The following CRIM1 variants were observed in gnomAD, a reference collection of about 807,000 sequenced individuals.
CRIM1 encodes the protein cysteine-rich motor neuron 1 protein.
CRIM1 carries 32 observed loss-of-function variants against 116.4 expected under a neutral mutation model. The observed-to-expected ratio is 0.27, with a 90% confidence interval of 0.21 to 0.37. The LOEUF is 0.37. CRIM1 is among the 10% of genes least tolerant of loss of function. CRIM1 has a pLI of 1.00. For missense variants in CRIM1, 1,331 were observed against 1,354.8 expected, an observed-to-expected ratio of 0.98 and a Z score of 0.28; for synonymous variants, 590 against 509.2, an observed-to-expected ratio of 1.16 and a Z score of -2.13.
At chr2:36,388,504 C>T (rs1246062640) in intron 1 of CRIM1, among the ~76,000 whole-genome samples, 1 of 152,100 alleles carries the variant, frequency 6.6e-6, no homozygotes, top group African/African-American at 2.4e-5. Flanking sequence ...TCTAAAGGGG[C>T]CTCATGGATT....
chr2:36,543,052 G>T (rs927666355), intron 14 of CRIM1, among the ~76,000 whole-genome samples: 4 of 152,130 alleles, frequency 2.6e-5, no homozygotes, highest in Non-Finnish European at 5.9e-5. Context: ...TGAACCTGTA[G>T]AAACTATAAT....
chr2:36,515,980 C>A (rs1161636283), intron 11 of CRIM1, among the ~76,000 whole-genome samples: 2 of 152,214 alleles, frequency 1.3e-5, no homozygotes, highest in Non-Finnish European at 2.9e-5. Context: ...CTCTTCCTCT[C>A]TCTTGTTCTT....
chr2:36,471,106 C>G (rs1379529982), intron 5 of CRIM1, among the ~76,000 whole-genome samples: 1 of 152,170 alleles, frequency 6.6e-6, no homozygotes, highest in Non-Finnish European at 1.5e-5. Flanking sequence ...CATGATAAAA[C>G]TGGAAAGGAT....
chr2:36,544,991 T>C (rs1667217229), intron 15 of CRIM1, among the ~76,000 whole-genome samples: 1 of 152,214 alleles, frequency 6.6e-6, no homozygotes, highest in African/African-American at 2.4e-5. Context: ...GTTTACTCCA[T>C]GCCTTTTTAT....
intron 1 of CRIM1, among the ~76,000 whole-genome samples, chr2:36,391,414 C>T (rs937766037): frequency 2.0e-5 from 3 of 152,080 alleles, no homozygotes; most frequent in Admixed American, 2.0e-4. Context: ...AAGCGTGAGC[C>T]ACCGCGCCCG....
At chr2:36,439,527 C>T (rs1675608411) in intron 2 of CRIM1, among the ~76,000 whole-genome samples, 1 of 152,190 alleles carries the variant, frequency 6.6e-6, no homozygotes, top group African/African-American at 2.4e-5. Context: ...CATCCAACCT[C>T]ATCTCCTGTT....
intron 2 of CRIM1, among the ~76,000 whole-genome samples, chr2:36,428,156 G>A (rs1229452381): frequency 6.6e-6 from 1 of 152,228 alleles, no homozygotes; most frequent in Non-Finnish European, 1.5e-5. Context: ...AAAATGAGAA[G>A]GTTAGGATGA....
Position 36,411,590 on chromosome 2 carries a change from A to G in CRIM1, c.505+14803A>G, listed in dbSNP as rs376516952. Among the ~76,000 whole-genome samples the G allele has an allele frequency of 5.3e-5, 8 of 152,194 alleles. No individual in the cohort carries two copies. The South Asian group carries it at 8.3e-4, about 16-fold the overall frequency. ...TATAGCTACATGTATATAAGCACAT[A>G]TACATCCATGATGATATCATAGGTA... On this transcript the variant is annotated intron_variant, in intron 2 of 16. Coordinates refer to ENST00000280527, the MANE Select transcript of CRIM1 (RefSeq NM_016441.3).
intron 7 of CRIM1, among the ~76,000 whole-genome samples, chr2:36,490,228 A>G (rs907001742): frequency 3.9e-5 from 6 of 152,356 alleles, no homozygotes; most frequent in South Asian, 2.1e-4. Flanking sequence ...TCAGCATGAC[A>G]TCAATAATTA....
chr2:36,486,894 C>CT (rs1416116086), intron 7 of CRIM1, among the ~76,000 whole-genome samples: 1 of 152,040 alleles, frequency 6.6e-6, no homozygotes. Flanking sequence ...CTGTGCTAAA[C>CT]TTTTTTTGGA....
At chr2:36,526,895 C>T in intron 13 of CRIM1, among the ~76,000 whole-genome samples, 1 of 152,200 alleles carries the variant, frequency 6.6e-6, no homozygotes. Context: ...TCAGGTATGT[C>T]CCCCAGTTAA....
chr2:36,536,912 G>A (rs893151780), intron 13 of CRIM1, among the ~76,000 whole-genome samples: 3 of 152,046 alleles, frequency 2.0e-5, no homozygotes, highest in Non-Finnish European at 4.4e-5. Flanking sequence ...TGGTTATCTC[G>A]GTGCTGACTC....
chr2:36,458,919 G>C (rs1356122292), intron 4 of CRIM1, among the ~76,000 whole-genome samples: 2 of 152,206 alleles, frequency 1.3e-5, no homozygotes, highest in Non-Finnish European at 2.9e-5. Flanking sequence ...TTGGGTGACA[G>C]TATTGGATAA....
chr2:36,411,116 T>G (rs1489811959), intron 2 of CRIM1, among the ~76,000 whole-genome samples: 1 of 152,232 alleles, frequency 6.6e-6, no homozygotes, highest in East Asian at 1.9e-4. Context: ...ACTATTCCAC[T>G]TACATGTTCT....
At chr2:36,548,410 A>G (rs201600841) in intron 16 of CRIM1, 115 bp from the exon 17 acceptor site, 13 of 697,516 alleles carry the variant, frequency 1.9e-5, no homozygotes, top group Middle Eastern at 2.4e-4. Context: ...CAGGCTATCA[A>G]TCAATGAATT....
At chr2:36,395,055 C>T (rs1671919365) in intron 1 of CRIM1, among the ~76,000 whole-genome samples, 1 of 135,944 alleles carries the variant, frequency 7.4e-6, no homozygotes. Context: ...CACTTTGTTG[C>T]CCAGGCTGGA....
At chr2:36,540,898 A>G (rs1204362025) in intron 14 of CRIM1, among the ~76,000 whole-genome samples, 1 of 152,220 alleles carries the variant, frequency 6.6e-6, no homozygotes, top group African/African-American at 2.4e-5. Flanking sequence ...AAGAGAGAGT[A>G]CAGATATTGC....
rs1037843100 is a variant in CRIM1 at position 36,503,699 on chromosome 2, A to G, written c.1501+4352A>G. On this transcript the variant is annotated intron_variant, in intron 8 of 16. Transcript: ENST00000280527. ...AGAAGGGAGTTTCTTATAGCCAACT[A>G]TGGAATAATAGGTTGTTTTTTTTCT... Among the ~76,000 whole-genome samples, 3 of 152,118 alleles carry G rather than the reference A, an allele frequency of 2.0e-5. No homozygotes were observed. The South Asian group carries it at 6.2e-4, about 32-fold the overall frequency.
At chr2:36,471,617 T>A (rs1258921823) in intron 5 of CRIM1, among the ~76,000 whole-genome samples, 1 of 152,170 alleles carries the variant, frequency 6.6e-6, no homozygotes, top group Non-Finnish European at 1.5e-5. Context: ...CTTAATAGAC[T>A]ATAGCAGGGG....
Sources: gnomAD v4.1 joint callset for allele counts (sites outside exome capture counted in the v4.1 genomes callset) on GRCh38, gnomAD v4.1.1 for gene constraint, MANE v1.5 for transcripts, NCBI Gene and HGNC (gene_info 2026-07-23, HGNC 2026-07-21) for gene names.